NUF2: variants seen among roughly 807,000 people sequenced by gnomAD.
The protein encoded by NUF2 is NUF2 component of NDC80 kinetochore complex.
NUF2 carries 34 observed loss-of-function variants against 61.8 expected under a neutral mutation model. The ratio of observed to expected loss-of-function variants is 0.55; its 90% confidence interval spans 0.42 to 0.73. NUF2 has a LOEUF of 0.73. Ranked by LOEUF, NUF2 falls within the 30% of genes least tolerant of loss-of-function variation. The probability of loss-of-function intolerance (pLI) is 0.00; values close to 1 mark genes in which losing one functional copy is unlikely to be tolerated. For synonymous variants in NUF2, 172 were observed against 181.6 expected, an observed-to-expected ratio of 0.95 and a Z score of 0.42; for missense variants, 445 against 539.1, an observed-to-expected ratio of 0.83 and a Z score of 1.73.
At chr1:163,339,302 C>G (rs778518784) in intron 7 of NUF2, 79 bp from the exon 8 acceptor site, 14 of 792,058 alleles carry the variant, frequency 1.8e-5, no homozygotes, top group Non-Finnish European at 2.3e-5. Flanking sequence ...TTCTTCATCT[C>G]AGTTATTTGA....
intron 5 of NUF2, among the ~76,000 whole-genome samples, chr1:163,332,083 CCTTT>C (rs1650615607): frequency 6.6e-6 from 1 of 151,456 alleles, no homozygotes. Flanking sequence ...TAATTAGATA[CCTTT>C]CTTCTTTCCT....
chr1:163,351,017 T>C (rs1428743202), intron 13 of NUF2, among the ~76,000 whole-genome samples: 1 of 152,216 alleles, frequency 6.6e-6, no homozygotes, highest in Non-Finnish European at 1.5e-5. Flanking sequence ...TTCAGACATT[T>C]GAGGATAATG....
At chr1:163,353,743 G>A (rs879899335) in intron 13 of NUF2, among the ~76,000 whole-genome samples, 2 of 152,122 alleles carry the variant, frequency 1.3e-5, no homozygotes, top group Admixed American at 1.3e-4. Flanking sequence ...GATACGATCT[G>A]TCACCATTAA....
At chr1:163,333,637 T>G (rs1225658060) in intron 5 of NUF2, among the ~76,000 whole-genome samples, 1 of 152,158 alleles carries the variant, frequency 6.6e-6, no homozygotes, top group Non-Finnish European at 1.5e-5. Context: ...TATACATGTA[T>G]ATATCTTTAA....
chr1:163,339,543 T>C lies in NUF2; in HGVS notation c.606+66T>C, dbSNP rs571887203. The C allele has an allele frequency of 4.1e-5, 36 of 885,952 alleles. No homozygotes were observed. The South Asian group carries it at 4.3e-4, about 11-fold the overall frequency. The allele number at this position is 885,952 out of a possible 1,614,324, so 54.9% of individuals were successfully genotyped here. A position where few individuals can be genotyped will look rare whatever the true frequency, so the allele number is the denominator to read the frequency against. On this transcript the variant is annotated intron_variant, in intron 8 of 13. Coordinates refer to ENST00000271452, the MANE Select transcript of NUF2 (RefSeq NM_145697.3). ...TTGTTTGTAGATGTGGTGGGACATA[T>C]AGTGGAGGTAACAGCACATTGCTTT...
chr1:163,335,664 T>C (rs1650735184), intron 5 of NUF2, among the ~76,000 whole-genome samples: 2 of 152,192 alleles, frequency 1.3e-5, no homozygotes, highest in South Asian at 2.1e-4. Context: ...ATTGTTTTTA[T>C]ACAATTTGGA....
chr1:163,327,889 T>A, intron 3 of NUF2: 1 of 361,576 alleles, frequency 2.8e-6, no homozygotes, highest in Non-Finnish European at 4.9e-6. Context: ...CATATTGTTC[T>A]CTTTTCAGGA....
intron 10 of NUF2, among the ~76,000 whole-genome samples, chr1:163,345,306 T>C (rs548478671): frequency 3.3e-4 from 50 of 152,266 alleles, no homozygotes; most frequent in African/African-American, 1.2e-3. Flanking sequence ...GTCGTTATTA[T>C]ACAAATGAAT....
In NUF2 at chr1:163,334,835, C is replaced by T. The variant is rs567081850; in HGVS notation, c.338-1916C>T. ...ATAAAAGGTGTTTTTCTTGAGCCCT[C>T]GGTGGATATGAAAAGTCAACTTTTC... is the stretch of plus-strand genomic sequence containing the variant. On this transcript the variant is annotated intron_variant, in intron 5 of 13. Coordinates refer to ENST00000271452, the MANE Select transcript of NUF2 (RefSeq NM_145697.3). Among the ~76,000 whole-genome samples, 18 of 152,088 alleles carry T rather than the reference C, an allele frequency of 1.2e-4. No individual in the cohort carries two copies. The East Asian group carries it at 2.5e-3, about 21-fold the overall frequency.
At chr1:163,334,388 A>G (rs1650690370) in intron 5 of NUF2, among the ~76,000 whole-genome samples, 1 of 152,170 alleles carries the variant, frequency 6.6e-6, no homozygotes, top group Non-Finnish European at 1.5e-5. Context: ...CCAAATTTCC[A>G]TCTGGTATGA....
At chr1:163,336,026 T>C (rs548539490) in intron 5 of NUF2, among the ~76,000 whole-genome samples, 3 of 152,230 alleles carry the variant, frequency 2.0e-5, no homozygotes, top group Admixed American at 6.5e-5. Flanking sequence ...CACATTCTTA[T>C]CTACTAAATC....
intron 1 of NUF2, among the ~76,000 whole-genome samples, chr1:163,324,900 C>CTTTCTTT (rs1650365007): frequency 1.6e-5 from 2 of 122,974 alleles, no homozygotes; most frequent in Admixed American, 8.0e-5. Flanking sequence ...TCTTTTCTTT[C>CTTTCTTT]TTTTTTTTTT....
At chr1:163,335,811 A>G (rs1650740531) in intron 5 of NUF2, among the ~76,000 whole-genome samples, 1 of 152,064 alleles carries the variant, frequency 6.6e-6, no homozygotes, top group Non-Finnish European at 1.5e-5. Context: ...TTTATTTTAG[A>G]TAACTTCTAT....
chr1:163,344,880 T>A (rs1377457019), intron 10 of NUF2, among the ~76,000 whole-genome samples: 2 of 152,014 alleles, frequency 1.3e-5, no homozygotes, highest in African/African-American at 2.4e-5. Flanking sequence ...TAGCTATTCA[T>A]CTGGAAGAAA....
intron 9 of NUF2, among the ~76,000 whole-genome samples, chr1:163,341,232 CAG>C (rs1397527260): frequency 2.0e-5 from 3 of 151,998 alleles, no homozygotes; most frequent in African/African-American, 4.8e-5. Flanking sequence ...TTTTTTGAGA[CAG>C]AGTCTCACTC....
chr1:163,330,825 C>T (rs991165487), intron 5 of NUF2, among the ~76,000 whole-genome samples: 7 of 151,708 alleles, frequency 4.6e-5, no homozygotes, highest in African/African-American at 1.5e-4. Flanking sequence ...TTTAGTGGTT[C>T]TGTAAATTTA....
At chr1:163,336,874 T>A (rs767765876) in intron 6 of NUF2, 26 bp downstream of exon 6, 16 of 1,354,600 alleles carry the variant, frequency 1.2e-5, no homozygotes, top group Non-Finnish European at 1.6e-5. Flanking sequence ...GTTTTGGGGT[T>A]ACATGCCAGA....
intron 9 of NUF2, among the ~76,000 whole-genome samples, chr1:163,342,981 A>C (rs1038630213): frequency 6.6e-6 from 1 of 152,176 alleles, no homozygotes; most frequent in African/African-American, 2.4e-5. Context: ...AAACAATGTA[A>C]ATACAACTTA....
At chr1:163,345,000 T>C (rs1189976759) in intron 10 of NUF2, among the ~76,000 whole-genome samples, 1 of 152,124 alleles carries the variant, frequency 6.6e-6, no homozygotes, top group Non-Finnish European at 1.5e-5. Flanking sequence ...ACTTATATAA[T>C]CTTGGACTGA....
Sources: allele counts gnomAD v4.1 joint callset (sites outside exome capture counted in the v4.1 genomes callset), GRCh38; gene constraint gnomAD v4.1.1; transcripts MANE v1.5; gene names NCBI Gene and HGNC (gene_info 2026-07-23, HGNC 2026-07-21).